The following KIF20B variants were observed in gnomAD, a reference collection of about 807,000 sequenced individuals.
KIF20B encodes the protein kinesin-like protein KIF20B.
A neutral mutation model predicts 232.5 loss-of-function variants in KIF20B; 188 were observed. The ratio of observed to expected loss-of-function variants is 0.81; its 90% CI spans 0.72 to 0.91. KIF20B has a LOEUF of 0.91. Ranked by LOEUF, KIF20B falls within the 40% of genes least tolerant of loss-of-function variation. The pLI, the probability that KIF20B is intolerant of heterozygous loss-of-function variation, is 0.00. For missense variants in KIF20B, 2,154 were observed against 2,055.9 expected, an observed-to-expected ratio of 1.05 and a Z score of -0.92; for synonymous variants, 712 against 683.0, an observed-to-expected ratio of 1.04 and a Z score of -0.66.
rs1842825733 is a variant in KIF20B at position 89,710,972 on chromosome 10, AAT to A, written c.505_506del (p.Ile169TrpfsTer12). On this transcript the variant is annotated frameshift_variant, in exon 6 of 33. Coordinates refer to ENST00000371728, the MANE Select transcript of KIF20B (RefSeq NM_001284259.2). LOFTEE classifies it high-confidence loss of function. ...KTYTFQGTEENIGILPRTLNV... is the reference protein window; with the variant it reads ...KTYTFQGTEEXIGILPRTLNV... ...AATTCCTTTTGCAGGGACAGAAGAA[AAT>A]ATTGGCATTCTGCCTCGAACTTTGA... The A allele has an allele frequency of 1.9e-6, 3 of 1,604,630 alleles. No homozygotes were observed. The highest frequency in any genetic ancestry group is 2.5e-6 in the Non-Finnish European group (3 of 1,177,396).
intron 26 of KIF20B, among the ~76,000 whole-genome samples, chr10:89,757,534 G>T (rs952168688): frequency 6.6e-6 from 1 of 151,816 alleles, no homozygotes; most frequent in Admixed American, 6.6e-5. Flanking sequence ...TAGTATTATT[G>T]TAGATAATTG....
chr10:89,757,022 T>TTGTGTG (rs377304425), intron 26 of KIF20B, among the ~76,000 whole-genome samples: 1,944 of 122,658 alleles, frequency 0.016, 80 homozygotes, highest in South Asian at 0.11. Flanking sequence ...TATATCTCTG[T>TTGTGTG]TGTGTGTGTG....
intron 11 of KIF20B, 48 bp from the exon 12 acceptor site, chr10:89,718,662 A>C (rs1275655747): frequency 2.8e-6 from 4 of 1,422,916 alleles, no homozygotes; most frequent in Non-Finnish European, 3.9e-6. Flanking sequence ...CCCTGATTTC[A>C]TGAGATGTTT....
intron 23 of KIF20B, among the ~76,000 whole-genome samples, chr10:89,749,513 A>G (rs1271770903): frequency 2.6e-5 from 4 of 152,174 alleles, no homozygotes; most frequent in Non-Finnish European, 5.9e-5. Flanking sequence ...GTGACAAGTG[A>G]ACATTTTTGT....
At chr10:89,739,758 T>C (rs1841753193) in intron 21 of KIF20B, among the ~76,000 whole-genome samples, 1 of 151,930 alleles carries the variant, frequency 6.6e-6, no homozygotes, top group South Asian at 2.1e-4. Flanking sequence ...TTTCTACCAC[T>C]ATAAAAGTGA....
Position 89,718,859 on chromosome 10 carries a change from C to A in KIF20B, c.1421C>A (p.Ala474Asp). ...DETLNVLKFS[A>D]IAQKVCVPDT... ...ACACTCAATGTATTGAAGTTCTCCG[C>A]CATTGCACAAAAAGTAAATATTTAT... The change falls in exon 12 of 33, where the codon GCC (alanine) becomes GAC (aspartate). Residue 474 changes from alanine (A) to aspartate (D), a missense_variant. Ala to Asp is a moderately radical substitution (Grantham distance 126). Transcript: ENST00000371728. The A allele has an allele frequency of 6.5e-7, 1 of 1,543,712 alleles. No individual in the cohort carries two copies. The highest frequency in any genetic ancestry group is 8.7e-7 in the Non-Finnish European group (1 of 1,146,880).
chr10:89,747,008 A>G (rs536056888), intron 23 of KIF20B, among the ~76,000 whole-genome samples: 7 of 152,394 alleles, frequency 4.6e-5, no homozygotes, highest in African/African-American at 1.4e-4. Context: ...AATGAATGGC[A>G]TAGATTTCTG....
intron 26 of KIF20B, 87 bp downstream of exon 26, chr10:89,754,760 T>G: frequency 8.9e-7 from 1 of 1,123,480 alleles, no homozygotes; most frequent in Non-Finnish European, 1.2e-6. Flanking sequence ...TTCTACATGG[T>G]TTTCTGTTTT....
At chr10:89,717,228 A>T (rs904231018) in intron 9 of KIF20B, among the ~76,000 whole-genome samples, 196 bp from the exon 10 acceptor site, 4 of 152,200 alleles carry the variant, frequency 2.6e-5, no homozygotes. Context: ...GAGCTAGGCA[A>T]AAGGTGATTT....
rs779189217 is a variant in KIF20B, at chr10:89,715,045, A to G, written c.803A>G (p.Lys268Arg). Residue 268 changes from lysine to arginine, a missense_variant, in exon 8 of 33, where the codon AAA (lysine) becomes AGA (arginine). Lys to Arg is a conservative substitution (Grantham distance 26). Coordinates refer to ENST00000371728, the MANE Select transcript of KIF20B (RefSeq NM_001284259.2). Reference sequence around the variant, plus strand: ...AACTTGAATATGGCTAATAGTATAAAATTTTCTGTGTGGGTTTCTTTCTTT... The same window carrying G: ...AACTTGAATATGGCTAATAGTATAAGATTTTCTGTGTGGGTTTCTTTCTTT... ...QANLNMANSI[K>R]FSVWVSFFEI... 6.2e-7 allele frequency: 1 copy of G among 1,607,130 alleles called. No individual in the cohort carries two copies. Among genetic ancestry groups the G allele is most frequent in the Non-Finnish European group, 8.5e-7 (1 of 1,176,034 alleles).
intron 19 of KIF20B, among the ~76,000 whole-genome samples, chr10:89,736,573 CTT>C (rs910943950): frequency 3.9e-5 from 6 of 152,136 alleles, no homozygotes; most frequent in Admixed American, 6.5e-5. Flanking sequence ...ATTTTAGTCT[CTT>C]AGCATTATTC....
intron 17 of KIF20B, 146 bp from the exon 18 acceptor site, chr10:89,728,982 G>T: frequency 1.4e-5 from 8 of 561,080 alleles, no homozygotes; most frequent in Non-Finnish European, 1.0e-5. Flanking sequence ...ATAAGATCAT[G>T]CTGTGCATAG....
At chr10:89,762,936 C>T in intron 29 of KIF20B, 101 bp downstream of exon 29, 2 of 816,912 alleles carry the variant, frequency 2.4e-6, no homozygotes, top group East Asian at 2.7e-5. Flanking sequence ...TTCATAGGCA[C>T]TGCTGTTAGA....
At chr10:89,752,245 T>C (rs1842035301) in intron 24 of KIF20B, among the ~76,000 whole-genome samples, 1 of 152,224 alleles carries the variant, frequency 6.6e-6, no homozygotes, top group Non-Finnish European at 1.5e-5. Flanking sequence ...TTCATACTTT[T>C]CTAGCCACTT....
intron 17 of KIF20B, among the ~76,000 whole-genome samples, chr10:89,728,761 T>C (rs751466802): frequency 2.6e-4 from 40 of 151,984 alleles, no homozygotes; most frequent in Non-Finnish European, 4.9e-4. Flanking sequence ...ACCAGGTAAT[T>C]TGGCCTCCCA....
intron 31 of KIF20B, among the ~76,000 whole-genome samples, chr10:89,769,626 T>C (rs191345992): frequency 3.3e-5 from 5 of 152,148 alleles, no homozygotes; most frequent in East Asian, 3.9e-4. Context: ...TAGTGCTTTT[T>C]TTCTTGATAA....
At chr10:89,769,588 T>C (rs542324821) in intron 31 of KIF20B, among the ~76,000 whole-genome samples, 1 of 152,144 alleles carries the variant, frequency 6.6e-6, no homozygotes, top group African/African-American at 2.4e-5. Flanking sequence ...TAAATACCTA[T>C]TGAGTTTAGC....
intron 14 of KIF20B, among the ~76,000 whole-genome samples, chr10:89,724,337 G>A (rs1337076835): frequency 1.3e-5 from 2 of 152,066 alleles, no homozygotes; most frequent in East Asian, 3.9e-4. Flanking sequence ...GATCAGCCTG[G>A]CCAACATGGT....
intron 21 of KIF20B, among the ~76,000 whole-genome samples, chr10:89,739,867 A>G (rs1841755632): frequency 6.6e-6 from 1 of 152,116 alleles, no homozygotes; most frequent in South Asian, 2.1e-4. Flanking sequence ...TATTTTTCAC[A>G]TCATATTTCT....
Sources: allele counts gnomAD v4.1 joint callset (sites outside exome capture counted in the v4.1 genomes callset), GRCh38; gene constraint gnomAD v4.1.1; transcripts MANE v1.5; gene names NCBI Gene and HGNC (gene_info 2026-07-23, HGNC 2026-07-21).